Variants in LRP1B observed in about 807,000 individuals in gnomAD.
LRP1B encodes LDL receptor related protein 1B.
Under a neutral mutation model 556.6 loss-of-function variants are expected in LRP1B, and 217 were observed. The ratio of observed to expected loss-of-function variants is 0.39; its 90% CI spans 0.35 to 0.44. LRP1B has a LOEUF of 0.44. LRP1B is among the 20% of genes least tolerant of loss of function. The pLI, the probability that LRP1B is intolerant of heterozygous loss-of-function variation, is 1.00. For missense variants in LRP1B, 5,053 were observed against 5,620.8 expected (o/e 0.90, Z 3.23); for synonymous variants, 2,047 against 1,865.8 (o/e 1.10, Z -2.50).
At position 140,820,912 on chromosome 2, in the gene LRP1B, T is replaced by A. The variant is rs569957320; in HGVS notation, c.5210-7106A>T. Among the ~76,000 whole-genome samples, 8 of 143,698 alleles carry A rather than the reference T, an allele frequency of 5.6e-5. No homozygotes were observed. In the East Asian group the frequency reaches 1.2e-3, roughly 22 times the overall value. The allele number at this position is 143,698 out of a possible 152,430, so 94.3% of individuals were successfully genotyped here. On this transcript the variant is annotated intron_variant, in intron 31 of 90. Coordinates refer to ENST00000389484, the MANE Select transcript of LRP1B (RefSeq NM_018557.3). ...GCCCCTCCTCTTTCTGTTGCTTCTT[T>A]AAAAAAAAAAAAAAAGTATTTTTTT...
At position 140,370,837 on chromosome 2, in the gene LRP1B, G is replaced by A. The variant is rs1204061716; in HGVS notation, c.10881C>T (p.Asp3627=). Residue 3627 remains aspartate, a synonymous_variant, in exon 71 of 91, where the codon GAC becomes GAT. Coordinates refer to ENST00000389484, the MANE Select transcript of LRP1B (RefSeq NM_018557.3). The stretch of plus-strand genomic sequence containing the variant: ...GATCTTCCTTACATTCAGTCACACA[G>A]TCCATCTGTTCAAATACAAATGGAC... ...YDCADGSDEM[D]CVTECKEDQF... is the part of the protein sequence containing the mutation. The A allele has an allele frequency of 1.2e-6, 2 of 1,612,182 alleles. No homozygotes were observed. The highest frequency in any genetic ancestry group is 1.7e-6 in the Non-Finnish European group (2 of 1,178,852).
intron 49 of LRP1B, among the ~76,000 whole-genome samples, chr2:140,523,017 G>A (rs971327746): frequency 6.6e-6 from 1 of 151,898 alleles, no homozygotes; most frequent in Non-Finnish European, 1.5e-5. Flanking sequence ...AAGGAGGTGA[G>A]ATTTCTCCCT....
intron 83 of LRP1B, among the ~76,000 whole-genome samples, chr2:140,307,625 A>T (rs1203339862): frequency 6.6e-6 from 1 of 151,916 alleles, no homozygotes; most frequent in Non-Finnish European, 1.5e-5. Context: ...ATTTATCCTT[A>T]GTTCCCATTA....
At chr2:141,835,314 G>C (rs1384853544) in intron 1 of LRP1B, among the ~76,000 whole-genome samples, 1 of 151,964 alleles carries the variant, frequency 6.6e-6, no homozygotes, top group Non-Finnish European at 1.5e-5. Flanking sequence ...ACACAGAGCA[G>C]TGTTATCACT....
At chr2:142,112,301 A>C (rs570200797) in intron 1 of LRP1B, among the ~76,000 whole-genome samples, 1 of 152,236 alleles carries the variant, frequency 6.6e-6, no homozygotes, top group African/African-American at 2.4e-5. Flanking sequence ...TAAGTGACGG[A>C]ATCATTTCAA....
chr2:140,296,588 G>A (rs146609456), intron 84 of LRP1B, among the ~76,000 whole-genome samples: 1 of 152,198 alleles, frequency 6.6e-6, no homozygotes, highest in Admixed American at 6.6e-5. Context: ...TGCCGAGGCA[G>A]TAGGTCTCAA....
At chr2:140,661,206 T>C (rs1685079678) in intron 41 of LRP1B, among the ~76,000 whole-genome samples, 1 of 152,104 alleles carries the variant, frequency 6.6e-6, no homozygotes, top group African/African-American at 2.4e-5. Flanking sequence ...GTACAGTCAC[T>C]GGGTAAAGAG....
At chr2:140,869,390 C>T (rs1474101211) in intron 25 of LRP1B, among the ~76,000 whole-genome samples, 7 of 152,004 alleles carry the variant, frequency 4.6e-5, no homozygotes, top group Non-Finnish European at 1.0e-4. Context: ...TGTAACACTC[C>T]TGCCTGCCAA....
At chr2:141,184,280 T>C (rs1003186689) in intron 7 of LRP1B, among the ~76,000 whole-genome samples, 2 of 152,092 alleles carry the variant, frequency 1.3e-5, no homozygotes, top group African/African-American at 4.8e-5. Context: ...TCCCTTATGG[T>C]GTCCTCAGAG....
chr2:140,780,189 A>C (rs12691568), intron 32 of LRP1B, among the ~76,000 whole-genome samples: 31,895 of 152,188 alleles, frequency 0.21, 3,626 homozygotes, highest in South Asian at 0.29. Context: ...TAGAAAGATC[A>C]GAGTAGGAGA....
intron 3 of LRP1B, among the ~76,000 whole-genome samples, chr2:141,364,323 A>C (rs1046300032): frequency 6.6e-6 from 1 of 151,418 alleles, no homozygotes; most frequent in East Asian, 1.9e-4. Context: ...GAATGATTAA[A>C]TCACATACAC....
At chr2:140,422,375 A>G (rs1383099545) in intron 66 of LRP1B, among the ~76,000 whole-genome samples, 1 of 152,208 alleles carries the variant, frequency 6.6e-6, no homozygotes. Context: ...ATACAATGTT[A>G]TAGTACAAAA....
chr2:140,575,367 G>T (rs1681477983), intron 43 of LRP1B, among the ~76,000 whole-genome samples: 1 of 152,068 alleles, frequency 6.6e-6, no homozygotes, highest in Non-Finnish European at 1.5e-5. Flanking sequence ...TCCTAATTTT[G>T]CAGACATGAG....
chr2:141,237,362 T>G (rs934879283), intron 5 of LRP1B, among the ~76,000 whole-genome samples: 1 of 151,296 alleles, frequency 6.6e-6, no homozygotes, highest in Non-Finnish European at 1.5e-5. Flanking sequence ...TGTTTTTTTT[T>G]TTTTTTTTTA....
At chr2:140,577,687 G>A (rs1172843699) in intron 43 of LRP1B, among the ~76,000 whole-genome samples, 6 of 152,032 alleles carry the variant, frequency 3.9e-5, no homozygotes, top group African/African-American at 1.4e-4. Flanking sequence ...GCCTCCCAAA[G>A]TGCTGAGATA....
chr2:141,540,439 T>C (rs1409996392), intron 2 of LRP1B, among the ~76,000 whole-genome samples: 2 of 152,054 alleles, frequency 1.3e-5, no homozygotes, highest in Non-Finnish European at 2.9e-5. Context: ...TAAAGAGTAA[T>C]TCATATATGT....
At chr2:141,445,278 C>T (rs188926203) in intron 3 of LRP1B, among the ~76,000 whole-genome samples, 1 of 152,230 alleles carries the variant, frequency 6.6e-6, no homozygotes, top group Admixed American at 6.5e-5. Flanking sequence ...GTGTTATCCC[C>T]TTTATCATTT....
At chr2:141,731,556 GAGA>G (rs758670109) in intron 2 of LRP1B, among the ~76,000 whole-genome samples, 71 of 152,268 alleles carry the variant, frequency 4.7e-4, no homozygotes, top group Non-Finnish European at 7.9e-4. Flanking sequence ...CAGAGGAAAA[GAGA>G]AGCTTTGTCT....
At chr2:141,136,167 G>A (rs1351360551) in intron 7 of LRP1B, among the ~76,000 whole-genome samples, 7 of 151,832 alleles carry the variant, frequency 4.6e-5, no homozygotes, top group Non-Finnish European at 1.0e-4. Context: ...AAAGCTGCAT[G>A]CGTATGAATA....
Sources: allele counts gnomAD v4.1 joint callset (sites outside exome capture counted in the v4.1 genomes callset), GRCh38; gene constraint gnomAD v4.1.1; transcripts MANE v1.5; gene names NCBI Gene and HGNC (gene_info 2026-07-23, HGNC 2026-07-21).